MOBP: variants seen among roughly 807,000 people sequenced by gnomAD.
MOBP encodes myelin associated oligodendrocyte basic protein.
A neutral mutation model predicts 15.0 loss-of-function variants in MOBP; 5 were observed. The observed-to-expected ratio is 0.33, with a 90% CI of 0.17 to 0.70. MOBP has a LOEUF of 0.70. MOBP is among the 30% of genes least tolerant of loss of function. The pLI, the probability that MOBP is intolerant of heterozygous loss-of-function variation, is 0.67. For missense variants in MOBP, 188 were observed against 257.8 expected (o/e 0.73, Z 1.85); for synonymous variants, 88 against 99.0 (o/e 0.89, Z 0.66).
At chr3:39,494,260 G>A (rs559149949) in intron 2 of MOBP, among the ~76,000 whole-genome samples, 114 of 152,256 alleles carry the variant, frequency 7.5e-4, no homozygotes, top group South Asian at 1.7e-3. Flanking sequence ...TATCTGGAGG[G>A]TTGTTTGGGG....
chr3:39,481,142 T>C (rs1575289690), intron 2 of MOBP, among the ~76,000 whole-genome samples: 6 of 152,324 alleles, frequency 3.9e-5, no homozygotes, highest in Admixed American at 3.9e-4. Flanking sequence ...ATCTCCTCTA[T>C]GTCTACACCC....
downstream of MOBP, among the ~76,000 whole-genome samples, chr3:39,505,470 T>C (rs2043035598): frequency 6.6e-6 from 1 of 152,212 alleles, no homozygotes; most frequent in Admixed American, 6.5e-5. Flanking sequence ...GTTGCATTAT[T>C]GCTTTTATTA....
At chr3:39,508,036 T>C (rs1301648233) in intron 4 of MOBP, among the ~76,000 whole-genome samples, 1 of 152,212 alleles carries the variant, frequency 6.6e-6, no homozygotes, top group East Asian at 1.9e-4. Flanking sequence ...TCACCATGTT[T>C]GTTTTTGGGC....
intron 2 of MOBP, among the ~76,000 whole-genome samples, chr3:39,494,667 T>A (rs1481629068): frequency 6.6e-6 from 1 of 152,178 alleles, no homozygotes; most frequent in Non-Finnish European, 1.5e-5. Context: ...TCAGCAGGAT[T>A]AGATAGGTCA....
At chr3:39,520,537 A>AGGGT (rs2043252282), downstream of MOBP, among the ~76,000 whole-genome samples, 1 of 144,640 alleles carries the variant, frequency 6.9e-6, no homozygotes, top group Admixed American at 6.7e-5. Flanking sequence ...TGTGTTCATG[A>AGGGT]GTGTGTGTGT....
chr3:39,509,330 AT>A (rs1357207819), intron 4 of MOBP, among the ~76,000 whole-genome samples: 1 of 152,168 alleles, frequency 6.6e-6, no homozygotes, highest in Admixed American at 6.5e-5. Context: ...AAGTTGTAAC[AT>A]TTTTCATTCC....
In MOBP at chr3:39,513,352, A is replaced by T. The variant is rs752911099; in HGVS notation, c.*-31A>T. The T allele has an allele frequency of 6.2e-5, 99 of 1,603,676 alleles. No homozygotes were observed. In the South Asian group the frequency reaches 1.0e-3, roughly 17 times the overall value. Reference sequence around the variant, plus strand: ...AGAGTATACATCACCTACCTATGTCATGTGTTTTTCTTTTTCTCTTTGTAA... The same window carrying T: ...AGAGTATACATCACCTACCTATGTCTTGTGTTTTTCTTTTTCTCTTTGTAA... On this transcript the variant is annotated intron_variant, in intron 4 of 4. Coordinates refer to the MOBP transcript ENST00000311042.
intron 2 of MOBP, among the ~76,000 whole-genome samples, chr3:39,501,158 A>T (rs2125654920): frequency 6.6e-6 from 1 of 152,336 alleles, no homozygotes; most frequent in Non-Finnish European, 1.5e-5. Flanking sequence ...CAAGGAATCC[A>T]TCCTTTTTCC....
Position 39,494,792 on chromosome 3 carries a change from G to T in MOBP, c.-4-7274G>T, listed in dbSNP as rs11284739. On this transcript the variant is annotated intron_variant, in intron 2 of 3. Coordinates refer to ENST00000684792, the MANE Select transcript of MOBP (RefSeq NM_001393704.1). ...TTTCATATTTTCAAAGCCCCCCCCC[G>T]CCCCCCGAGTTACGTGTTGTTATTA... Among the ~76,000 whole-genome samples, 3 of 46,106 alleles carry T rather than the reference G, an allele frequency of 6.5e-5. No individual in the cohort carries two copies. The East Asian group carries it at 2.8e-3, about 43-fold the overall frequency. The allele number at this position is 46,106 out of a possible 152,430, so 30.2% of individuals were successfully genotyped here.
At position 39,502,940 on chromosome 3, in the gene MOBP, T is replaced by A; in HGVS notation, c.*60T>A. ...GTTAGTAGTTGCTTCCTGTGTTTAC[T>A]AACACCGGGCTGTCTCCATGGCCCT... is the stretch of plus-strand genomic sequence containing the variant. On this transcript the variant is annotated 3_prime_UTR_variant, in exon 4 of 4. Transcript: ENST00000684792. The surrounding 1 kb of genome is among the most constrained non-coding windows in gnomAD (Gnocchi z 6.3). 1 of 779,316 alleles carries A rather than the reference T, an allele frequency of 1.3e-6. No individual in the cohort carries two copies. The highest frequency in any genetic ancestry group is 2.0e-6 in the Non-Finnish European group (1 of 497,582). The allele number at this position is 779,316 out of a possible 1,614,324, so 48.3% of individuals were successfully genotyped here.
intron 4 of MOBP, among the ~76,000 whole-genome samples, chr3:39,509,113 T>G (rs2043087018): frequency 6.6e-6 from 1 of 152,074 alleles, no homozygotes; most frequent in East Asian, 1.9e-4. Flanking sequence ...TGTATATATA[T>G]ATATATATGG....
rs562480763 is a variant in MOBP, at chr3:39,489,721, G to A, written c.-5+9598G>A. 5.3e-5 allele frequency among the ~76,000 whole-genome samples: 8 copies of A among 152,144 alleles called. No homozygotes were observed. In the South Asian group the frequency reaches 1.7e-3, roughly 32 times the overall value. On this transcript the variant is annotated intron_variant, in intron 2 of 3. Transcript: ENST00000684792. ...GCTCCTGTCCCAGCCCCTGGTGAGA[G>A]TGCTACCTCTGGAGGTGACTGAGGA...
chr3:39,498,738 C>T (rs1393665635), intron 2 of MOBP, among the ~76,000 whole-genome samples: 1 of 152,160 alleles, frequency 6.6e-6, no homozygotes, highest in Non-Finnish European at 1.5e-5. Flanking sequence ...CAGGACCATG[C>T]ATCGATGGAT....
intron 2 of MOBP, among the ~76,000 whole-genome samples, chr3:39,484,357 A>C (rs760169703): frequency 1.1e-4 from 17 of 152,212 alleles, no homozygotes; most frequent in Non-Finnish European, 1.8e-4. Context: ...ATTAATTGAG[A>C]AACAAGGACT....
chr3:39,518,492 T>G (rs769736911), downstream of MOBP, among the ~76,000 whole-genome samples: 2 of 152,142 alleles, frequency 1.3e-5, no homozygotes, highest in Non-Finnish European at 2.9e-5. Flanking sequence ...TGGGAAGTTA[T>G]TTACATCGAC....
In MOBP at chr3:39,502,117, G is replaced by C. The variant is rs1375139204; in HGVS notation, c.48G>C (p.Gln16His). ...AKEGPRLSKN[Q>H]KYSEHFSIHC... ...AGGGTCCCAGACTCTCCAAAAACCAGAAGTACTCCGAACACTTCAGCATAC... is the reference window on the plus strand; with the variant it reads ...AGGGTCCCAGACTCTCCAAAAACCACAAGTACTCCGAACACTTCAGCATAC... Residue 16 changes from glutamine (Q) to histidine (H), a missense_variant, in exon 3 of 4, where the codon CAG becomes CAC. Physicochemically the swap from Gln to His is conservative, Grantham distance 24. This residue lies in a region of MOBP where 133 missense variants were observed against 212.5 expected (regional missense o/e 0.63). Transcript: ENST00000684792. The surrounding 1 kb of genome is among the most constrained non-coding windows in gnomAD (Gnocchi z 6.3). 6.2e-7 allele frequency: 1 copy of C among 1,614,068 alleles called. No individual in the cohort carries two copies. Among genetic ancestry groups the C allele is most frequent in the Non-Finnish European group, 8.5e-7 (1 of 1,180,040 alleles).
intron 1 of MOBP, among the ~76,000 whole-genome samples, chr3:39,474,796 G>GT (rs547260282): frequency 1.1e-4 from 17 of 152,074 alleles, no homozygotes; most frequent in Non-Finnish European, 2.1e-4. Flanking sequence ...AACAAGTAAG[G>GT]TTTTTTTGCC....
At chr3:39,523,160 T>A (rs935921072) in intron 3 of MOBP, among the ~76,000 whole-genome samples, 2 of 152,204 alleles carry the variant, frequency 1.3e-5, no homozygotes, top group African/African-American at 4.8e-5. Flanking sequence ...AACAAAAAAT[T>A]GCTTTCACAA....
intron 1 of MOBP, among the ~76,000 whole-genome samples, chr3:39,479,560 T>C (rs2125630607): frequency 6.6e-6 from 1 of 152,252 alleles, no homozygotes; most frequent in East Asian, 1.9e-4. Flanking sequence ...TTTTTTCATG[T>C]GATATACAGC....
Sources: allele counts gnomAD v4.1 joint callset (sites outside exome capture counted in the v4.1 genomes callset), GRCh38; gene constraint gnomAD v4.1.1; regional missense constraint gnomAD v4.1.1; non-coding constraint Gnocchi (gnomAD v3.1); transcripts MANE v1.5; gene names NCBI Gene and HGNC (gene_info 2026-07-23, HGNC 2026-07-21).